Variants in GABRA2 observed in about 807,000 individuals in gnomAD.
GABRA2 encodes gamma-aminobutyric acid receptor subunit alpha-2.
Under a neutral mutation model 48.7 loss-of-function variants are expected in GABRA2, and 16 were observed. The observed-to-expected ratio is 0.33, with a 90% CI of 0.22 to 0.50. GABRA2 has a LOEUF of 0.50. Ranked by LOEUF, GABRA2 falls within the 20% of genes least tolerant of loss-of-function variation. The probability of loss-of-function intolerance (pLI) is 0.98; values close to 1 mark genes in which losing one functional copy is unlikely to be tolerated. For missense variants in GABRA2, 275 were observed against 535.6 expected (o/e 0.51, Z 4.80); for synonymous variants, 185 against 184.5 (o/e 1.00, Z -0.02).
At chr4:46,252,788 T>C (rs941482122) in intron 9 of GABRA2, among the ~76,000 whole-genome samples, 4 of 151,522 alleles carry the variant, frequency 2.6e-5, no homozygotes, top group South Asian at 2.1e-4. Context: ...TAAAATGATA[T>C]CAGATTGCAC....
chr4:46,299,564 T>C (rs1342074016), intron 8 of GABRA2, among the ~76,000 whole-genome samples: 2 of 151,366 alleles, frequency 1.3e-5, no homozygotes, highest in African/African-American at 2.4e-5. Context: ...ATTTCCAAGA[T>C]TGAAAAAAAA....
chr4:46,382,175 C>T (rs1203522376), intron 3 of GABRA2, among the ~76,000 whole-genome samples: 1 of 143,592 alleles, frequency 7.0e-6, no homozygotes, highest in Admixed American at 6.9e-5. Context: ...TATACACAAA[C>T]ATACACACAC....
intron 3 of GABRA2, among the ~76,000 whole-genome samples, chr4:46,377,872 C>T (rs1173843215): frequency 6.6e-6 from 1 of 150,504 alleles, no homozygotes; most frequent in Non-Finnish European, 1.5e-5. Flanking sequence ...GGGTCAGCCC[C>T]CCGCCCAGCT....
intron 4 of GABRA2, among the ~76,000 whole-genome samples, chr4:46,316,124 G>T: frequency 6.6e-6 from 1 of 151,424 alleles, no homozygotes; most frequent in African/African-American, 2.4e-5. Context: ...GTATTATATT[G>T]GAAGACAAAC....
rs1373792931 is a variant in GABRA2 at position 46,244,436 on chromosome 4, G to A, written c.*5872C>T. 6.6e-6 allele frequency among the ~76,000 whole-genome samples: 1 copy of A among 151,462 alleles called. No homozygotes were observed. Among genetic ancestry groups the A allele is most frequent in the East Asian group, 2.0e-4 (1 of 5,124 alleles). On this transcript the variant is annotated 3_prime_UTR_variant, in exon 10 of 10. Coordinates refer to ENST00000381620, the MANE Select transcript of GABRA2 (RefSeq NM_000807.4). ...AGTTTGCCTTTTGGCATCATGTTAT[G>A]GCAAAGTCTTCTAAAAAGAAGCATG...
intron 9 of GABRA2, among the ~76,000 whole-genome samples, chr4:46,250,811 ACTTTCTT>A (rs1714601985): frequency 6.6e-6 from 1 of 151,610 alleles, no homozygotes; most frequent in African/African-American, 2.4e-5. Flanking sequence ...TAGTGGTACC[ACTTTCTT>A]GAGGAATCTT....
chr4:46,306,335 C>A lies in GABRA2; in HGVS notation c.560-624G>T, dbSNP rs148053871. Among the ~76,000 whole-genome samples the A allele has an allele frequency of 2.9e-3, 444 of 152,268 alleles. 1 individual carries two copies. Among genetic ancestry groups the A allele is most frequent in the African/African-American group, 9.6e-3 (397 of 41,568 alleles). ...ACTAGCCTACACATTCATAGCATCC[C>A]AGTTAAACTATGGATTGGCAGGAAG... On this transcript the variant is annotated intron_variant, in intron 6 of 9. Coordinates refer to ENST00000381620, the MANE Select transcript of GABRA2 (RefSeq NM_000807.4).
Position 46,378,361 on chromosome 4 carries a change from C to A in GABRA2, c.187+7713G>T, listed in dbSNP as rs558606094. Among the ~76,000 whole-genome samples the A allele has an allele frequency of 9.9e-5, 15 of 152,080 alleles. No homozygotes were observed. In the South Asian group the frequency reaches 3.1e-3, roughly 32 times the overall value. On this transcript the variant is annotated intron_variant, in intron 3 of 9. Coordinates refer to ENST00000381620, the MANE Select transcript of GABRA2 (RefSeq NM_000807.4). The stretch of plus-strand genomic sequence containing the variant: ...ATCCTGTTGATCTGTGACCTTACCC[C>A]CAACCCTGTGCTATCTGAAACATGT...
At position 46,247,494 on chromosome 4, in the gene GABRA2, T is replaced by C. The variant is rs2109362095; in HGVS notation, c.*2814A>G. On this transcript the variant is annotated 3_prime_UTR_variant, in exon 10 of 10. Transcript: ENST00000381620. ...ATGGCACAGGAGGTAAAAAATATTTTTGAATAAATATTAGTTAAATCAGAG... is the reference window on the plus strand; with the variant it reads ...ATGGCACAGGAGGTAAAAAATATTTCTGAATAAATATTAGTTAAATCAGAG... Among the ~76,000 whole-genome samples, 1 of 151,286 alleles carries C rather than the reference T, an allele frequency of 6.6e-6. No individual in the cohort carries two copies. The highest frequency in any genetic ancestry group is 2.1e-4 in the South Asian group (1 of 4,818).
intron 9 of GABRA2, chr4:46,260,861 T>C (rs1316832111): frequency 6.6e-6 from 1 of 151,968 alleles, no homozygotes; most frequent in Non-Finnish European, 1.5e-5. Context: ...AAAATTTCTA[T>C]GGCTTACAAA....
At chr4:46,376,972 A>G (rs979499743) in intron 3 of GABRA2, among the ~76,000 whole-genome samples, 1 of 152,112 alleles carries the variant, frequency 6.6e-6, no homozygotes, top group Admixed American at 6.5e-5. Flanking sequence ...CCTAACCGCA[A>G]GTGATCCACC....
rs563177099 is a variant in GABRA2, at chr4:46,295,334, G to A, written c.856+8126C>T. 5.3e-5 allele frequency among the ~76,000 whole-genome samples: 8 copies of A among 152,322 alleles called. No homozygotes were observed. The East Asian group carries it at 1.5e-3, about 29-fold the overall frequency. On this transcript the variant is annotated intron_variant, in intron 8 of 9. Coordinates refer to ENST00000381620, the MANE Select transcript of GABRA2 (RefSeq NM_000807.4). ...GGTTTGGCTGGATGGTCAAGGACTT[G>A]GAAGAAGCATGATTGGAAAATTGGT... is the stretch of plus-strand genomic sequence containing the variant.
intron 8 of GABRA2, among the ~76,000 whole-genome samples, chr4:46,287,670 C>A (rs934170546): frequency 1.3e-5 from 2 of 148,858 alleles, no homozygotes; most frequent in African/African-American, 4.9e-5. Context: ...GGGAGATATA[C>A]CTAATGATAG....
chr4:46,379,887 C>G (rs1716522046), intron 3 of GABRA2, among the ~76,000 whole-genome samples: 1 of 152,142 alleles, frequency 6.6e-6, no homozygotes, highest in African/African-American at 2.4e-5. Flanking sequence ...TGCAACCTAC[C>G]TTTCCCTATC....
chr4:46,291,776 C>CACACATATATAT (rs1553906974), intron 8 of GABRA2, among the ~76,000 whole-genome samples: 9 of 144,806 alleles, frequency 6.2e-5, no homozygotes, highest in African/African-American at 2.3e-4. Flanking sequence ...TAAACACACA[C>CACACATATATAT]ATATATATAT....
chr4:46,332,490 T>A lies in GABRA2; in HGVS notation c.255+125A>T, dbSNP rs985865909. On this transcript the variant is annotated intron_variant, in intron 4 of 9. Coordinates refer to ENST00000381620, the MANE Select transcript of GABRA2 (RefSeq NM_000807.4). ...CAAACATCTTTAACTATCCATGTAT[T>A]TGAGTAGACTAAATAGACATGAGAC... The A allele has an allele frequency of 8.3e-6, 5 of 602,796 alleles. No individual in the cohort carries two copies. The African/African-American group carries it at 9.4e-5, about 11-fold the overall frequency. 37.3% of individuals were successfully genotyped at this position (602,796 alleles called of 1,614,324 possible).
chr4:46,380,617 A>G (rs925392779), intron 3 of GABRA2, among the ~76,000 whole-genome samples: 1 of 152,046 alleles, frequency 6.6e-6, no homozygotes, highest in Admixed American at 6.5e-5. Flanking sequence ...CAAATAAAGA[A>G]ACTGAAGCAA....
At chr4:46,263,618 T>C (rs910220945) in intron 8 of GABRA2, among the ~76,000 whole-genome samples, 1 of 152,110 alleles carries the variant, frequency 6.6e-6, no homozygotes, top group Admixed American at 6.6e-5. Context: ...TTTTACACTG[T>C]TTTGATGACT....
chr4:46,368,100 C>G (rs1215014053), intron 3 of GABRA2: 1 of 152,070 alleles, frequency 6.6e-6, no homozygotes, highest in Non-Finnish European at 1.5e-5. Context: ...GTGAGGAAGA[C>G]ATAAAAGAGA....
Sources: gnomAD v4.1 joint callset for allele counts (sites outside exome capture counted in the v4.1 genomes callset) on GRCh38, gnomAD v4.1.1 for gene constraint, MANE v1.5 for transcripts, NCBI Gene and HGNC (gene_info 2026-07-23, HGNC 2026-07-21) for gene names.